GLIS3: variants seen among roughly 807,000 people sequenced by gnomAD.
GLIS3 encodes the protein zinc finger protein GLIS3.
In GLIS3, 53 loss-of-function variants were observed where a neutral mutation model predicts 78.6. The ratio of observed to expected loss-of-function variants is 0.67; its 90% CI spans 0.54 to 0.85. GLIS3 has a LOEUF of 0.85. Ranked by LOEUF, GLIS3 falls within the 40% of genes least tolerant of loss-of-function variation. The pLI is 0.00. For missense variants in GLIS3, 1,703 were observed against 1,231.1 expected, an observed-to-expected ratio of 1.38 and a Z score of -5.74; for synonymous variants, 684 against 509.9, an observed-to-expected ratio of 1.34 and a Z score of -4.60.
At chr9:4,389,198 C>G in the GLIS3 span, among the ~76,000 whole-genome samples, 1 of 152,182 alleles carries the variant, frequency 6.6e-6, no homozygotes, top group Non-Finnish European at 1.5e-5. Flanking sequence ...AATTCAGTAA[C>G]TTGTCCAAAG....
At chr9:4,351,476 A>G (rs1200978308), upstream of GLIS3, among the ~76,000 whole-genome samples, 4 of 152,090 alleles carry the variant, frequency 2.6e-5, no homozygotes, top group African/African-American at 4.8e-5. Context: ...AGTTCATTAC[A>G]AAAGTTTAGA....
At chr9:4,185,710 A>C (rs1817724479) in intron 2 of GLIS3, among the ~76,000 whole-genome samples, 2 of 152,208 alleles carry the variant, frequency 1.3e-5, no homozygotes, top group South Asian at 4.1e-4. Context: ...CTTGAGAAGA[A>C]AGTGCTCTTT....
At chr9:4,068,829 T>C (rs56321756) in intron 4 of GLIS3, among the ~76,000 whole-genome samples, 5 of 100,280 alleles carry the variant, frequency 5.0e-5, no homozygotes, top group Admixed American at 3.6e-4. Flanking sequence ...TGCATGCATG[T>C]ATGCATGTGT....
At chr9:4,209,059 T>C (rs776093582) in intron 2 of GLIS3, among the ~76,000 whole-genome samples, 1 of 152,194 alleles carries the variant, frequency 6.6e-6, no homozygotes, top group African/African-American at 2.4e-5. Flanking sequence ...TATCATAAGA[T>C]ATATATAAAA....
chr9:4,108,353 C>T (rs749164780), intron 4 of GLIS3, among the ~76,000 whole-genome samples: 7 of 152,056 alleles, frequency 4.6e-5, no homozygotes, highest in Non-Finnish European at 1.0e-4. Flanking sequence ...AGCCTCAATT[C>T]GATGGAGAGC....
At chr9:3,940,992 C>A (rs942980531) in intron 4 of GLIS3, among the ~76,000 whole-genome samples, 13 of 152,182 alleles carry the variant, frequency 8.5e-5, no homozygotes, top group African/African-American at 3.1e-4. Context: ...CGCCTGGGAA[C>A]TTGTCAGATA....
chr9:4,006,837 A>T (rs747074428), intron 4 of GLIS3, among the ~76,000 whole-genome samples: 1 of 152,222 alleles, frequency 6.6e-6, no homozygotes, highest in Non-Finnish European at 1.5e-5. Flanking sequence ...GTAAGGATGA[A>T]GGAACGGTTC....
At chr9:4,407,191 GA>G in the GLIS3 span, among the ~76,000 whole-genome samples, 1 of 152,160 alleles carries the variant, frequency 6.6e-6, no homozygotes, top group East Asian at 1.9e-4. Flanking sequence ...CATATATTGG[GA>G]AAAGATAGTC....
the GLIS3 span, among the ~76,000 whole-genome samples, chr9:4,471,532 C>T: frequency 4.3e-4 from 66 of 152,104 alleles, no homozygotes; most frequent in Non-Finnish European, 8.1e-4. Context: ...ATAAATGGTG[C>T]TGGGAAAACT....
intron 2 of GLIS3, among the ~76,000 whole-genome samples, chr9:4,162,777 A>C (rs1176010918): frequency 6.7e-6 from 1 of 149,032 alleles, no homozygotes. Context: ...GAATGGCCTG[A>C]ACTCTGGAGG....
chr9:4,079,759 A>G (rs949795705), intron 4 of GLIS3, among the ~76,000 whole-genome samples: 1 of 151,732 alleles, frequency 6.6e-6, no homozygotes, highest in Non-Finnish European at 1.5e-5. Flanking sequence ...AAAAAAAAAA[A>G]GAAAAAAGAA....
intron 4 of GLIS3, among the ~76,000 whole-genome samples, chr9:3,949,397 C>G (rs1202946898): frequency 6.6e-6 from 1 of 152,190 alleles, no homozygotes; most frequent in African/African-American, 2.4e-5. Flanking sequence ...GTGAGCCACT[C>G]AGAAGCCTGG....
chr9:4,316,488 A>T (rs187302081), intron 2 of GLIS3, among the ~76,000 whole-genome samples: 1 of 152,346 alleles, frequency 6.6e-6, no homozygotes, highest in East Asian at 1.9e-4. Flanking sequence ...CATTGATGAG[A>T]AAAACAAAAT....
At chr9:4,027,022 G>C (rs1468576747) in intron 4 of GLIS3, among the ~76,000 whole-genome samples, 2 of 152,132 alleles carry the variant, frequency 1.3e-5, no homozygotes, top group African/African-American at 2.4e-5. Flanking sequence ...GAGAAGGAGA[G>C]GGAGAGAGCA....
intron 4 of GLIS3, among the ~76,000 whole-genome samples, chr9:3,954,914 A>G (rs1816987009): frequency 6.6e-6 from 1 of 152,226 alleles, no homozygotes; most frequent in Non-Finnish European, 1.5e-5. Context: ...TTAAATCCAA[A>G]ATGCATGACA....
rs1175007619 is a variant in GLIS3, at chr9:3,825,765, G to A, written c.*2507C>T. 6.6e-6 allele frequency: 1 copy of A among 152,246 alleles called. No individual in the cohort carries two copies. Among genetic ancestry groups the A allele is most frequent in the African/African-American group, 2.4e-5 (1 of 41,444 alleles). 9.4% of individuals were successfully genotyped at this position (152,246 alleles called of 1,614,324 possible). A position where few individuals can be genotyped will look rare whatever the true frequency, so the allele number is the denominator to read the frequency against. ...AAGGCATCTGAACGTGTCCTATCCT[G>A]AGGCTGCAATCTCAAGCCTGCAGCT... On this transcript the variant is annotated 3_prime_UTR_variant, in exon 11 of 11. Transcript: ENST00000381971.
At chr9:4,454,218 T>A in the GLIS3 span, among the ~76,000 whole-genome samples, 1 of 151,070 alleles carries the variant, frequency 6.6e-6, no homozygotes, top group Non-Finnish European at 1.5e-5. Context: ...TTGCCCAGGC[T>A]GGTCTCAAAT....
chr9:4,155,896 G>C (rs1395329266), intron 2 of GLIS3, among the ~76,000 whole-genome samples: 1 of 152,196 alleles, frequency 6.6e-6, no homozygotes, highest in African/African-American at 2.4e-5. Flanking sequence ...GGGAACCACT[G>C]CTCAAGATCA....
intron 2 of GLIS3, among the ~76,000 whole-genome samples, chr9:4,265,698 C>T (rs1290528939): frequency 6.6e-6 from 1 of 152,172 alleles, no homozygotes; most frequent in Non-Finnish European, 1.5e-5. Context: ...CAGAAGCATG[C>T]ACACAGAGAC....
Sources: allele counts gnomAD v4.1 joint callset (sites outside exome capture counted in the v4.1 genomes callset), GRCh38; gene constraint gnomAD v4.1.1; transcripts MANE v1.5; gene names NCBI Gene and HGNC (gene_info 2026-07-23, HGNC 2026-07-21).